Variants in P3H2 observed in about 807,000 individuals in gnomAD.
P3H2 encodes prolyl 3-hydroxylase 2, also known as leprecan-like 1.
P3H2 carries 80 observed loss-of-function variants against 87.0 expected under a neutral mutation model. The ratio of observed to expected loss-of-function variants is 0.92; its 90% CI spans 0.77 to 1.11. The LOEUF (loss-of-function observed/expected upper bound fraction) is 1.11, where lower values mean the gene tolerates loss of function less well. P3H2 is among the 50% of genes least tolerant of loss of function. P3H2 has a pLI of 0.00. For missense variants in P3H2, 1,001 were observed against 923.9 expected (o/e 1.08, Z -1.08); for synonymous variants, 367 against 359.3 (o/e 1.02, Z -0.24).
In P3H2 at chr3:189,956,937, G is replaced by C. The variant is rs1253562723; in HGVS notation, c.*975C>G. On this transcript the variant is annotated 3_prime_UTR_variant, in exon 15 of 15. Transcript: ENST00000319332. ...TGGCCATGGTGCCCGGATGCAGGCA[G>C]TATTCAAGAGTTTCTTCCAAAGTCA... 1 of 395,370 alleles carries C rather than the reference G, an allele frequency of 2.5e-6. No individual in the cohort carries two copies. The highest frequency in any genetic ancestry group is 4.4e-5 in the Admixed American group (1 of 22,638). The allele number at this position is 395,370 out of a possible 1,614,324, so 24.5% of individuals were successfully genotyped here. A position where few individuals can be genotyped will look rare whatever the true frequency, so the allele number is the denominator to read the frequency against.
chr3:190,071,481 T>C (rs866677231), intron 1 of P3H2, among the ~76,000 whole-genome samples: 4 of 152,224 alleles, frequency 2.6e-5, no homozygotes, highest in African/African-American at 7.2e-5. Context: ...TATTAGTTAA[T>C]AGCCACTATA....
At chr3:190,071,745 G>A (rs1261405350) in intron 1 of P3H2, among the ~76,000 whole-genome samples, 1 of 151,990 alleles carries the variant, frequency 6.6e-6, no homozygotes, top group Admixed American at 6.6e-5. Flanking sequence ...TAGGATTCAC[G>A]TCAAATTAGT....
rs186318865 is a variant in P3H2 at position 190,026,034 on chromosome 3, G to A, written c.481-30592C>T. ...TTGTTTTTATTAACCATTATTTCTC[G>A]GGCCCTTGAAAACATTTTTCTTTCA... is the stretch of plus-strand genomic sequence containing the variant. On this transcript the variant is annotated intron_variant, in intron 1 of 14. Transcript: ENST00000319332. Among the ~76,000 whole-genome samples the A allele has an allele frequency of 2.8e-3, 424 of 151,856 alleles. 1 individual carries two copies. Among genetic ancestry groups the A allele is most frequent in the South Asian group, 0.018 (88 of 4,792 alleles).
chr3:190,096,284 T>C (rs949720759), intron 1 of P3H2, among the ~76,000 whole-genome samples: 1 of 152,132 alleles, frequency 6.6e-6, no homozygotes, highest in African/African-American at 2.4e-5. Context: ...AGGGGCTTGG[T>C]GGGTGGTGAT....
At chr3:190,117,988 A>G (rs1712363571) in intron 1 of P3H2, among the ~76,000 whole-genome samples, 1 of 152,230 alleles carries the variant, frequency 6.6e-6, no homozygotes, top group Non-Finnish European at 1.5e-5. Context: ...CGGATCTTTG[A>G]AAGAACTTCT....
chr3:190,093,951 C>T (rs1246400395), intron 1 of P3H2, among the ~76,000 whole-genome samples: 2 of 152,160 alleles, frequency 1.3e-5, no homozygotes, highest in Non-Finnish European at 2.9e-5. Flanking sequence ...AAAAATTTCA[C>T]ATCCTTTTCC....
chr3:189,981,170 G>A (rs557103071), intron 8 of P3H2, among the ~76,000 whole-genome samples: 102 of 152,278 alleles, frequency 6.7e-4, no homozygotes, highest in African/African-American at 2.4e-3. Context: ...AGTTCTGTGG[G>A]ATGCTCTAGC....
chr3:189,957,700 AAGAGAGAGAG>A lies in P3H2; in HGVS notation c.*202_*211del, dbSNP rs3062112. ...AACATGGTTAGACCATGTCTCTAAG[AAGAGAGAGAG>A]AGAGAGAGAGAGAGAAAACAACCCA... On this transcript the variant is annotated 3_prime_UTR_variant, in exon 15 of 15. Transcript: ENST00000319332. 9.2e-6 allele frequency: 5 copies of A among 543,284 alleles called. No homozygotes were observed. Among genetic ancestry groups the A allele is most frequent in the Admixed American group, 3.2e-5 (1 of 31,742 alleles). The allele number at this position is 543,284 out of a possible 1,614,324, so 33.7% of individuals were successfully genotyped here.
intron 1 of P3H2, among the ~76,000 whole-genome samples, chr3:190,084,952 A>AAC (rs1297988753): frequency 2.8e-5 from 4 of 143,140 alleles, no homozygotes; most frequent in Admixed American, 6.8e-5. Context: ...GAAACAAACA[A>AAC]AAAAAAAAAA....
intron 1 of P3H2, among the ~76,000 whole-genome samples, chr3:190,093,228 T>C (rs530036104): frequency 1.3e-5 from 2 of 152,356 alleles, no homozygotes; most frequent in South Asian, 4.1e-4. Context: ...GGCAGAGACA[T>C]AGCTCTGTGT....
intron 13 of P3H2, among the ~76,000 whole-genome samples, chr3:189,966,083 G>GAAGA (rs200110898): frequency 0.034 from 3,893 of 116,124 alleles, 175 homozygotes; most frequent in African/African-American, 0.044. Context: ...GGAAAGAAAG[G>GAAGA]AAGAAAGAAA....
chr3:189,957,486 G>A lies in P3H2; in HGVS notation c.*426C>T. 1 of 381,506 alleles carries A rather than the reference G, an allele frequency of 2.6e-6. No individual in the cohort carries two copies. Among genetic ancestry groups the A allele is most frequent in the Non-Finnish European group, 4.6e-6 (1 of 216,012 alleles). 23.6% of individuals were successfully genotyped at this position (381,506 alleles called of 1,614,324 possible). ...GTGTGTGTGTGTGTGTGTGTTTGGGGGAGGAGGTGAACTGGGCTTTGATAG... is the reference window on the plus strand; with the variant it reads ...GTGTGTGTGTGTGTGTGTGTTTGGGAGAGGAGGTGAACTGGGCTTTGATAG... On this transcript the variant is annotated 3_prime_UTR_variant, in exon 15 of 15. Transcript: ENST00000319332.
chr3:189,973,772 C>T (rs1723258529), intron 10 of P3H2, 137 bp downstream of exon 10: 1 of 755,956 alleles, frequency 1.3e-6, no homozygotes, highest in Non-Finnish European at 2.5e-6. Context: ...GATCTGCCTG[C>T]CTCAGCCTCC....
chr3:189,968,512 G>A (rs1384669439), intron 13 of P3H2, among the ~76,000 whole-genome samples: 1 of 152,084 alleles, frequency 6.6e-6, no homozygotes, highest in Non-Finnish European at 1.5e-5. Context: ...CATTTGGGTT[G>A]GTACCAAGTC....
At chr3:190,050,661 G>A (rs1467219028) in intron 1 of P3H2, among the ~76,000 whole-genome samples, 1 of 152,158 alleles carries the variant, frequency 6.6e-6, no homozygotes, top group African/African-American at 2.4e-5. Context: ...GTTTTTTGAG[G>A]AATATTAGGA....
intron 8 of P3H2, among the ~76,000 whole-genome samples, chr3:189,979,596 A>C (rs984627263): frequency 2.0e-5 from 3 of 152,066 alleles, no homozygotes; most frequent in Admixed American, 2.0e-4. Context: ...CCTGATTCCA[A>C]GTTTATTCCC....
intron 1 of P3H2, among the ~76,000 whole-genome samples, chr3:190,034,702 T>G (rs911569054): frequency 6.6e-6 from 1 of 152,214 alleles, no homozygotes; most frequent in African/African-American, 2.4e-5. Context: ...TCTTAGTTTC[T>G]GTGTGGTGGT....
At chr3:190,120,928 G>C (rs755760044), upstream of P3H2, 1 of 781,584 alleles carries the variant, frequency 1.3e-6, no homozygotes, top group Non-Finnish European at 1.9e-6. Context: ...CGCTCTTAAA[G>C]GGACGCCCAC....
intron 1 of P3H2, among the ~76,000 whole-genome samples, chr3:190,024,572 A>G (rs1349238009): frequency 6.6e-6 from 1 of 151,684 alleles, no homozygotes; most frequent in Admixed American, 6.6e-5. Flanking sequence ...GAAAGAAAAA[A>G]AATTGTAAAT....
Sources: allele counts gnomAD v4.1 joint callset (sites outside exome capture counted in the v4.1 genomes callset), GRCh38; gene constraint gnomAD v4.1.1; transcripts MANE v1.5; gene names NCBI Gene and HGNC (gene_info 2026-07-23, HGNC 2026-07-21).